Variants in SULT2B1 observed in about 807,000 individuals in gnomAD.
The protein encoded by SULT2B1 is sulfotransferase 2B1.
A neutral mutation model predicts 33.2 loss-of-function variants in SULT2B1; 16 were observed. That is an observed-to-expected ratio of 0.48 (90% CI 0.33 to 0.73). The LOEUF is 0.73. Among genes scored for constraint, SULT2B1 ranks in the 30% least tolerant of loss-of-function variants. SULT2B1 has a pLI of 0.02. For missense variants in SULT2B1, 500 were observed against 506.0 expected (o/e 0.99, Z 0.11); for synonymous variants, 186 against 200.5 (o/e 0.93, Z 0.61).
intron 1 of SULT2B1, among the ~76,000 whole-genome samples, chr19:48,571,554 A>G (rs1231430629): frequency 1.3e-5 from 2 of 151,968 alleles, no homozygotes; most frequent in East Asian, 1.9e-4. Context: ...GGGTCCTTCA[A>G]TAAATATTGA....
intron 1 of SULT2B1, among the ~76,000 whole-genome samples, chr19:48,566,363 C>G (rs894670573): frequency 1.3e-5 from 2 of 151,990 alleles, no homozygotes; most frequent in Admixed American, 1.3e-4. Flanking sequence ...GGATCACAGG[C>G]ACGAGCCACC....
At position 48,592,829 on chromosome 19, in the gene SULT2B1, C is replaced by A. The variant is rs1464744849; in HGVS notation, c.645+13C>A. On this transcript the variant is annotated intron_variant, in intron 5 of 6. Coordinates refer to ENST00000201586, the MANE Select transcript of SULT2B1 (RefSeq NM_177973.2). Reference sequence around the variant, plus strand: ...GGAGCTGCAGCAGGTGAGTCCCCACCTCCTCCAGGTGCAGCGTCCCCCCCA... The same window carrying A: ...GGAGCTGCAGCAGGTGAGTCCCCACATCCTCCAGGTGCAGCGTCCCCCCCA... 2 of 1,554,812 alleles carry A rather than the reference C, an allele frequency of 1.3e-6. No individual in the cohort carries two copies. Among genetic ancestry groups the A allele is most frequent in the African/African-American group, 1.4e-5 (1 of 73,424 alleles).
chr19:48,593,026 A>AGAGGAGCT (rs1040880181), intron 5 of SULT2B1, among the ~76,000 whole-genome samples: 2 of 152,190 alleles, frequency 1.3e-5, no homozygotes, highest in African/African-American at 4.8e-5. Flanking sequence ...CTGGCGGGGC[A>AGAGGAGCT]GAGGAGCTGA....
intron 1 of SULT2B1, among the ~76,000 whole-genome samples, chr19:48,560,204 A>T (rs1001649154): frequency 6.6e-6 from 1 of 152,132 alleles, no homozygotes; most frequent in Non-Finnish European, 1.5e-5. Flanking sequence ...CTGCTGAGCC[A>T]GAAACTCGAA....
intron 2 of SULT2B1, among the ~76,000 whole-genome samples, chr19:48,579,064 T>G (rs1973450576): frequency 6.6e-6 from 1 of 152,112 alleles, no homozygotes; most frequent in Non-Finnish European, 1.5e-5. Flanking sequence ...GAATCTACAC[T>G]ATGTGGCCTC....
rs181817352 is a variant in SULT2B1 at position 48,562,605 on chromosome 19, T to A, written c.71+10282T>A. On this transcript the variant is annotated intron_variant, in intron 1 of 6. Coordinates refer to ENST00000201586, the MANE Select transcript of SULT2B1 (RefSeq NM_177973.2). The stretch of plus-strand genomic sequence containing the variant: ...ATCATATGCATGTTTATATGGATTT[T>A]TATTATTATTATTTTATTTATAGAT... 6.6e-5 allele frequency among the ~76,000 whole-genome samples: 10 copies of A among 151,862 alleles called. No homozygotes were observed. The East Asian group carries it at 1.7e-3, about 26-fold the overall frequency.
At chr19:48,585,327 G>A (rs1973547507) in intron 2 of SULT2B1, among the ~76,000 whole-genome samples, 1 of 152,060 alleles carries the variant, frequency 6.6e-6, no homozygotes, top group South Asian at 2.1e-4. Context: ...TCCTTGATGA[G>A]GTCCCTTTCC....
chr19:48,561,417 G>A (rs1231036535), intron 1 of SULT2B1, among the ~76,000 whole-genome samples: 2 of 150,476 alleles, frequency 1.3e-5, no homozygotes, highest in East Asian at 3.9e-4. Flanking sequence ...CAACAAGAGT[G>A]AAACACTGTC....
At chr19:48,572,684 C>G (rs1267052718) in intron 1 of SULT2B1, among the ~76,000 whole-genome samples, 1 of 151,934 alleles carries the variant, frequency 6.6e-6, no homozygotes, top group African/African-American at 2.4e-5. Context: ...CACTGAGGTG[C>G]CACAGGAGGG....
chr19:48,592,652 C>T, intron 4 of SULT2B1, 70 bp from the exon 5 acceptor site: 1 of 1,343,560 alleles, frequency 7.4e-7, no homozygotes, highest in Non-Finnish European at 1.0e-6. Context: ...CTAGTTAGAC[C>T]CATGAGCCCC....
At chr19:48,589,334 G>C (rs1044780678) in intron 3 of SULT2B1, among the ~76,000 whole-genome samples, 2 of 152,130 alleles carry the variant, frequency 1.3e-5, no homozygotes, top group Non-Finnish European at 2.9e-5. Flanking sequence ...GGAGCAGGCG[G>C]GGGAGGAAGA....
chr19:48,564,551 C>CAAAAAAAAAAAAAAAAAAAAAA (rs770217698), intron 1 of SULT2B1, among the ~76,000 whole-genome samples: 1 of 57,634 alleles, frequency 1.7e-5, no homozygotes, highest in Non-Finnish European at 3.0e-5. Flanking sequence ...GACTCCGTCT[C>CAAAAAAAAAAAAAAAAAAAAAA]AAAAAAAAAA....
chr19:48,578,788 A>G (rs1973446967), intron 2 of SULT2B1, among the ~76,000 whole-genome samples: 1 of 152,110 alleles, frequency 6.6e-6, no homozygotes. Flanking sequence ...AGGCAGGAGA[A>G]TTGCTTGGAA....
At chr19:48,554,148 G>T (rs763143485) in intron 1 of SULT2B1, among the ~76,000 whole-genome samples, 2 of 151,998 alleles carry the variant, frequency 1.3e-5, no homozygotes. Context: ...CAGAGCCCTG[G>T]GGGGGTGCCC....
Position 48,599,385 on chromosome 19 carries a change from C to T in SULT2B1, c.1077C>T (p.Thr359=). The change falls in exon 7 of 7, where the codon ACC becomes ACT. Residue 359 remains threonine (T), a synonymous_variant. Coordinates refer to ENST00000201586, the MANE Select transcript of SULT2B1 (RefSeq NM_177973.2). The surrounding 1 kb of genome is among the most constrained non-coding windows in gnomAD (Gnocchi z 4.1). ...PSPSPGQASE[T]PHPRPS ...CCAGCCCCGGCCAGGCCTCTGAGAC[C>T]CCGCACCCACGACCCTCATAATAAA... is the stretch of plus-strand genomic sequence containing the variant. 1.3e-6 allele frequency: 2 copies of T among 1,556,478 alleles called. No homozygotes were observed. The highest frequency in any genetic ancestry group is 1.7e-6 in the Non-Finnish European group (2 of 1,150,234).
At chr19:48,587,585 A>G in intron 3 of SULT2B1, 148 bp downstream of exon 3, 1 of 897,920 alleles carries the variant, frequency 1.1e-6, no homozygotes, top group Non-Finnish European at 1.7e-6. Flanking sequence ...AGTGGTCAAT[A>G]TACACACAGA....
intron 2 of SULT2B1, among the ~76,000 whole-genome samples, chr19:48,577,492 A>C (rs1973430093): frequency 6.7e-6 from 1 of 148,694 alleles, no homozygotes; most frequent in South Asian, 2.1e-4. Context: ...CAGCCTCCTG[A>C]GTAGCTGGGA....
chr19:48,581,886 TATTATA>T (rs1458093157), intron 2 of SULT2B1, among the ~76,000 whole-genome samples: 11 of 107,510 alleles, frequency 1.0e-4, no homozygotes, highest in African/African-American at 2.6e-4. Flanking sequence ...TTATTATTAT[TATTATA>T]TTATTATTAT....
chr19:48,555,548 T>TA (rs1973087187), intron 1 of SULT2B1, among the ~76,000 whole-genome samples: 6 of 70,202 alleles, frequency 8.5e-5, no homozygotes, highest in Admixed American at 1.5e-4. Flanking sequence ...CCCAGAGACA[T>TA]CCTCTCTCTC....
Sources: allele counts gnomAD v4.1 joint callset (sites outside exome capture counted in the v4.1 genomes callset), GRCh38; gene constraint gnomAD v4.1.1; non-coding constraint Gnocchi (gnomAD v3.1); transcripts MANE v1.5; gene names NCBI Gene and HGNC (gene_info 2026-07-23, HGNC 2026-07-21).